DIDO1: variants seen among roughly 807,000 people sequenced by gnomAD.
DIDO1 encodes death inducer-obliterator 1, also known as death-inducer obliterator 1.
A neutral mutation model predicts 99.4 loss-of-function variants in DIDO1; 16 were observed. That is an observed-to-expected ratio of 0.16 (90% confidence interval 0.11 to 0.24). The LOEUF is 0.24. DIDO1 is among the 10% of genes least tolerant of loss of function. The probability of loss-of-function intolerance (pLI) is 1.00; values close to 1 mark genes in which losing one functional copy is unlikely to be tolerated. For missense variants in DIDO1, 2,996 were observed against 3,014.0 expected (o/e 0.99, Z 0.14); for synonymous variants, 1,366 against 1,239.1 (o/e 1.10, Z -2.15).
intron 6 of DIDO1, among the ~76,000 whole-genome samples, chr20:62,899,662 T>C (rs944856655): frequency 6.6e-6 from 1 of 152,196 alleles, no homozygotes; most frequent in African/African-American, 2.4e-5. Flanking sequence ...TTTTAGAAAA[T>C]TAACTGCTCC....
intron 1 of DIDO1, among the ~76,000 whole-genome samples, chr20:62,933,146 G>A (rs1279331257): frequency 6.6e-6 from 1 of 152,182 alleles, no homozygotes; most frequent in Non-Finnish European, 1.5e-5. Context: ...GGTAGGCGGA[G>A]GTTGCAGTGA....
At chr20:62,905,212 C>A in intron 6 of DIDO1, 7 of 1,154,496 alleles carry the variant, frequency 6.1e-6, no homozygotes, top group Non-Finnish European at 7.5e-6. Context: ...GTCCAAGGCA[C>A]GCGTCCTGCG....
At chr20:62,933,075 G>A (rs1485748596) in intron 1 of DIDO1, among the ~76,000 whole-genome samples, 2 of 152,216 alleles carry the variant, frequency 1.3e-5, no homozygotes, top group Admixed American at 6.5e-5. Flanking sequence ...AGCCGGGCGT[G>A]GTGGCGCATG....
In DIDO1 at chr20:62,880,412, G is replaced by A; in HGVS notation, c.5544C>T (p.Pro1848=). 6.2e-7 allele frequency: 1 copy of A among 1,612,816 alleles called. No individual in the cohort carries two copies. The highest frequency in any genetic ancestry group is 1.1e-5 in the South Asian group (1 of 91,082). ...APSQFEERKD[P]HGEKREFQDA... Reference sequence around the variant, plus strand: ...CCTGGAACTCCCTCTTCTCCCCATGGGGATCCTTGCGTTCTTCAAATTGGG... The same window carrying A: ...CCTGGAACTCCCTCTTCTCCCCATGAGGATCCTTGCGTTCTTCAAATTGGG... The change falls in exon 16 of 16, where the codon CCC becomes CCT. Residue 1848 remains proline, a synonymous_variant. Transcript: ENST00000395343.
At chr20:62,926,668 G>A (rs1289682055), upstream of DIDO1, among the ~76,000 whole-genome samples, 2 of 152,182 alleles carry the variant, frequency 1.3e-5, no homozygotes, top group Non-Finnish European at 2.9e-5. Flanking sequence ...CTTCGGGTCT[G>A]CACTGACAAT....
At chr20:62,912,754 G>A (rs1411998670) in intron 2 of DIDO1, among the ~76,000 whole-genome samples, 3 of 152,188 alleles carry the variant, frequency 2.0e-5, no homozygotes, top group Admixed American at 6.5e-5. Context: ...AAATGGGGCC[G>A]GGCCTGGTGG....
intron 15 of DIDO1, among the ~76,000 whole-genome samples, chr20:62,884,306 A>C (rs1350376064): frequency 6.6e-6 from 1 of 152,220 alleles, no homozygotes; most frequent in Non-Finnish European, 1.5e-5. Flanking sequence ...ACTCATAATC[A>C]ATCAAGAATG....
At chr20:62,899,915 G>C (rs1447051965) in intron 6 of DIDO1, among the ~76,000 whole-genome samples, 1 of 152,266 alleles carries the variant, frequency 6.6e-6, no homozygotes, top group South Asian at 2.1e-4. Context: ...ACTTGGGTCA[G>C]CTGCTGCTGA....
chr20:62,884,651 G>C (rs948338259), intron 15 of DIDO1, among the ~76,000 whole-genome samples: 1 of 152,198 alleles, frequency 6.6e-6, no homozygotes, highest in Non-Finnish European at 1.5e-5. Context: ...GCTGAGCACG[G>C]AAGATGGGTG....
intron 6 of DIDO1, among the ~76,000 whole-genome samples, chr20:62,903,105 G>C (rs1311375720): frequency 6.6e-6 from 1 of 152,220 alleles, no homozygotes; most frequent in Non-Finnish European, 1.5e-5. Context: ...TGATCTTTGA[G>C]AGAAGTTATG....
intron 6 of DIDO1, among the ~76,000 whole-genome samples, chr20:62,903,884 A>G (rs2064741436): frequency 6.6e-6 from 1 of 152,056 alleles, no homozygotes; most frequent in African/African-American, 2.4e-5. Flanking sequence ...AGGTCAGAGT[A>G]CCCCGCTATG....
chr20:62,891,709 A>AC (rs2147389965), intron 14 of DIDO1, among the ~76,000 whole-genome samples: 1 of 152,126 alleles, frequency 6.6e-6, no homozygotes, highest in African/African-American at 2.4e-5. Flanking sequence ...TCAGAAACAA[A>AC]CTTCTACCGC....
chr20:62,882,311 C>A lies in DIDO1; in HGVS notation c.3645G>T (p.Arg1215=). The A allele has an allele frequency of 6.2e-7, 1 of 1,614,010 alleles. No homozygotes were observed. Among genetic ancestry groups the A allele is most frequent in the Non-Finnish European group, 8.5e-7 (1 of 1,180,018 alleles). Residue 1215 remains arginine, a synonymous_variant, in exon 16 of 16, where the codon CGG becomes CGT. Coordinates refer to ENST00000395343, the MANE Select transcript of DIDO1 (RefSeq NM_001193369.2). ...CCGCTTCTTCCGGTTGAAGTCGGGT[C>A]CGCTTTTCGTCCATCTTGTCTAACT... ...SGELDKMDEK[R]TRLQPEEADV...
chr20:62,895,502 T>C (rs975707966), intron 8 of DIDO1, among the ~76,000 whole-genome samples: 1 of 152,164 alleles, frequency 6.6e-6, no homozygotes, highest in African/African-American at 2.4e-5. Context: ...AACAATTATG[T>C]ACACAAGGTG....
At chr20:62,889,862 T>G (rs1023916645) in intron 15 of DIDO1, 2 of 985,376 alleles carry the variant, frequency 2.0e-6, no homozygotes, top group African/African-American at 3.5e-5. Flanking sequence ...CTGAAATTAC[T>G]GATACCAACC....
upstream of DIDO1, among the ~76,000 whole-genome samples, chr20:62,927,383 C>T (rs2065274253): frequency 6.6e-6 from 1 of 152,220 alleles, no homozygotes; most frequent in Non-Finnish European, 1.5e-5. Flanking sequence ...TTCTTCAGTT[C>T]GCTCAATAGT....
At chr20:62,930,243 T>C (rs1012253774), upstream of DIDO1, among the ~76,000 whole-genome samples, 1 of 151,712 alleles carries the variant, frequency 6.6e-6, no homozygotes, top group Non-Finnish European at 1.5e-5. Context: ...CACAGATCTT[T>C]GTCTACCAAA....
Position 62,918,359 on chromosome 20 carries a change from C to G in DIDO1, c.-199-3953G>C, listed in dbSNP as rs746293099. Among the ~76,000 whole-genome samples the G allele has an allele frequency of 2.0e-5, 3 of 152,210 alleles. No individual in the cohort carries two copies. In the East Asian group the frequency reaches 5.8e-4, roughly 29 times the overall value. On this transcript the variant is annotated intron_variant, in intron 1 of 15. Coordinates refer to ENST00000395343, the MANE Select transcript of DIDO1 (RefSeq NM_001193369.2). ...GATCAGGGCTCACTGCAGCCTCTAC[C>G]TCATAGGTTCAAACGATCCTTCTGC...
rs1281800668 is a variant in DIDO1, at chr20:62,907,357, C to T, written c.1164G>A (p.Val388=). 1 of 1,613,558 alleles carries T rather than the reference C, an allele frequency of 6.2e-7. No homozygotes were observed. Residue 388 remains valine, a splice_region_variant and synonymous_variant, in exon 5 of 16, where the codon GTG becomes GTA. Coordinates refer to ENST00000395343, the MANE Select transcript of DIDO1 (RefSeq NM_001193369.2). ...GKKKLKIFQP[V]IEAPGASKCI... ...ATTTTGAGGCACCAGGCGCCTCTATCACCTGCAGAACAAAACAGATGACTT... is the reference window on the plus strand; with the variant it reads ...ATTTTGAGGCACCAGGCGCCTCTATTACCTGCAGAACAAAACAGATGACTT...
Sources: allele counts gnomAD v4.1 joint callset (sites outside exome capture counted in the v4.1 genomes callset), GRCh38; gene constraint gnomAD v4.1.1; transcripts MANE v1.5; gene names NCBI Gene and HGNC (gene_info 2026-07-23, HGNC 2026-07-21).